SPAG16: variants seen among roughly 807,000 people sequenced by gnomAD.
SPAG16 encodes sperm associated antigen 16, also known as sperm-associated antigen 16 protein.
Under a neutral mutation model 80.4 loss-of-function variants are expected in SPAG16, and 86 were observed. That is an observed-to-expected ratio of 1.07 (90% confidence interval 0.90 to 1.28). The LOEUF (loss-of-function observed/expected upper bound fraction) is 1.28, where lower values mean the gene tolerates loss of function less well. Among genes scored for constraint, SPAG16 ranks in the 50% most tolerant of loss-of-function variants. The pLI is 0.00. For missense variants in SPAG16, 870 were observed against 765.3 expected (o/e 1.14, Z -1.61); for synonymous variants, 294 against 265.9 (o/e 1.11, Z -1.03).
chr2:213,626,016 T>C (rs978483819), intron 10 of SPAG16, among the ~76,000 whole-genome samples: 3 of 152,134 alleles, frequency 2.0e-5, no homozygotes, highest in Admixed American at 6.5e-5. Flanking sequence ...AGTTTTGTTA[T>C]TGACATTTCA....
intron 10 of SPAG16, among the ~76,000 whole-genome samples, chr2:213,634,401 T>C (rs1025414157): frequency 6.6e-6 from 1 of 152,196 alleles, no homozygotes; most frequent in Non-Finnish European, 1.5e-5. Flanking sequence ...TGGTAGTTAC[T>C]ATTTTTTATT....
At chr2:213,794,453 C>T (rs1262772688) in intron 10 of SPAG16, among the ~76,000 whole-genome samples, 2 of 152,044 alleles carry the variant, frequency 1.3e-5, no homozygotes, top group Non-Finnish European at 2.9e-5. Flanking sequence ...AGAATAGATT[C>T]CTTTTCTGCA....
intron 15 of SPAG16, among the ~76,000 whole-genome samples, chr2:214,161,067 C>A (rs1576381227): frequency 6.6e-6 from 1 of 152,028 alleles, no homozygotes; most frequent in Non-Finnish European, 1.5e-5. Flanking sequence ...GTTTTCTGTT[C>A]CTGCATTAGT....
chr2:214,126,436 A>T (rs1328411288), intron 14 of SPAG16, among the ~76,000 whole-genome samples: 3 of 151,598 alleles, frequency 2.0e-5, no homozygotes, highest in African/African-American at 7.3e-5. Context: ...CTGAGCTCCA[A>T]CAGTGGCAAC....
chr2:214,383,085 G>A (rs1480897951), intron 15 of SPAG16, among the ~76,000 whole-genome samples: 1 of 151,940 alleles, frequency 6.6e-6, no homozygotes, highest in East Asian at 1.9e-4. Flanking sequence ...CCTGAGAATA[G>A]AGGTGAAAAA....
At chr2:213,913,534 A>T (rs1180945825) in intron 11 of SPAG16, among the ~76,000 whole-genome samples, 2 of 151,278 alleles carry the variant, frequency 1.3e-5, no homozygotes, top group Non-Finnish European at 2.9e-5. Flanking sequence ...TGATGTGTAT[A>T]TATACATATG....
At chr2:214,162,724 A>G (rs1165863892) in intron 15 of SPAG16, among the ~76,000 whole-genome samples, 1 of 152,090 alleles carries the variant, frequency 6.6e-6, no homozygotes, top group Non-Finnish European at 1.5e-5. Flanking sequence ...GTGATGTTCT[A>G]GTATTGTCTG....
chr2:213,374,956 A>G (rs2066812586), intron 8 of SPAG16, 54 bp from the exon 9 acceptor site: 3 of 1,335,238 alleles, frequency 2.2e-6, no homozygotes, highest in Non-Finnish European at 3.1e-6. Context: ...GGTTGCAATC[A>G]TTTTATACCG....
chr2:213,412,620 G>A (rs1413507184), intron 9 of SPAG16, among the ~76,000 whole-genome samples: 1 of 147,964 alleles, frequency 6.8e-6, no homozygotes, highest in Non-Finnish European at 1.5e-5. Flanking sequence ...TGTTTTGTTT[G>A]TTTATTTTTT....
rs189136996 is a variant in SPAG16, at chr2:214,046,036, G to T, written c.1527+31959G>T. ...AGAAGACACTATAACTGATACCATA[G>T]AAATTGAAAGGATTATTAGCAGCCA... is the stretch of plus-strand genomic sequence containing the variant. On this transcript the variant is annotated intron_variant, in intron 13 of 15. Coordinates refer to ENST00000331683, the MANE Select transcript of SPAG16 (RefSeq NM_024532.5). Among the ~76,000 whole-genome samples the T allele has an allele frequency of 2.1e-3, 327 of 152,096 alleles. 5 individuals carry two copies. The highest frequency in any genetic ancestry group is 1.2e-3 in the Non-Finnish European group (81 of 67,986).
In SPAG16 at chr2:213,616,205, A is replaced by G. The variant is rs150817873; in HGVS notation, c.1070+126115A>G. ...TGTGCCATTTTTCTAGCTCTTTTCA[A>G]GATAACAATGGAAGATGTGAACTCA... On this transcript the variant is annotated intron_variant, in intron 10 of 15. Coordinates refer to ENST00000331683, the MANE Select transcript of SPAG16 (RefSeq NM_024532.5). Among the ~76,000 whole-genome samples the G allele has an allele frequency of 5.3e-5, 8 of 152,348 alleles. No homozygotes were observed. The East Asian group carries it at 1.3e-3, about 26-fold the overall frequency.
At chr2:214,035,286 GC>G (rs2048634107) in intron 13 of SPAG16, among the ~76,000 whole-genome samples, 1 of 152,142 alleles carries the variant, frequency 6.6e-6, no homozygotes, top group South Asian at 2.1e-4. Context: ...GGGCCCAGCA[GC>G]CCGGCCCCCA....
intron 11 of SPAG16, among the ~76,000 whole-genome samples, chr2:213,928,719 G>A (rs1325776186): frequency 6.6e-6 from 1 of 152,132 alleles, no homozygotes; most frequent in Non-Finnish European, 1.5e-5. Flanking sequence ...GAGGCTTGGT[G>A]CCGTAGAAAC....
chr2:214,384,536 A>G (rs1374559067), intron 15 of SPAG16, among the ~76,000 whole-genome samples: 2 of 152,184 alleles, frequency 1.3e-5, no homozygotes, highest in African/African-American at 2.4e-5. Context: ...CCTCTCCACA[A>G]CCAGTATCTC....
chr2:214,281,671 A>G (rs1024466849), intron 15 of SPAG16, among the ~76,000 whole-genome samples: 2 of 152,194 alleles, frequency 1.3e-5, no homozygotes, highest in African/African-American at 2.4e-5. Flanking sequence ...ATACCTACCT[A>G]TCATATGACT....
intron 10 of SPAG16, among the ~76,000 whole-genome samples, chr2:213,702,456 T>C (rs1007002626): frequency 6.6e-6 from 1 of 152,180 alleles, no homozygotes; most frequent in Non-Finnish European, 1.5e-5. Context: ...CTGAGGCCAG[T>C]GAGACCACGA....
intron 13 of SPAG16, among the ~76,000 whole-genome samples, chr2:214,106,376 T>G (rs1343105990): frequency 6.6e-6 from 1 of 152,172 alleles, no homozygotes; most frequent in Non-Finnish European, 1.5e-5. Flanking sequence ...GTTATAACAG[T>G]GTCAAGATAC....
rs564113689 is a variant in SPAG16, at chr2:214,200,629, C to T, written c.1720+51363C>T. Among the ~76,000 whole-genome samples the T allele has an allele frequency of 7.2e-5, 11 of 152,202 alleles. No individual in the cohort carries two copies. The East Asian group carries it at 1.9e-3, about 27-fold the overall frequency. On this transcript the variant is annotated intron_variant, in intron 15 of 15. Coordinates refer to ENST00000331683, the MANE Select transcript of SPAG16 (RefSeq NM_024532.5). The stretch of plus-strand genomic sequence containing the variant: ...CAGAGGTTGCAGTGTGCTGAGATTG[C>T]ACCACTTCACTCCTGCCTGGGAGAT...
At chr2:213,859,306 G>T (rs2105936498) in intron 10 of SPAG16, among the ~76,000 whole-genome samples, 1 of 147,010 alleles carries the variant, frequency 6.8e-6, no homozygotes, top group Admixed American at 6.8e-5. Flanking sequence ...ATCTTGGTAA[G>T]TGCAGCATGT....
Sources: gnomAD v4.1 joint callset for allele counts (sites outside exome capture counted in the v4.1 genomes callset) on GRCh38, gnomAD v4.1.1 for gene constraint, MANE v1.5 for transcripts, NCBI Gene and HGNC (gene_info 2026-07-23, HGNC 2026-07-21) for gene names.